Variants in MICALL1 observed in about 807,000 individuals in gnomAD.
MICALL1 encodes MICAL-like protein 1.
Under a neutral mutation model 83.7 loss-of-function variants are expected in MICALL1, and 61 were observed. That is an observed-to-expected ratio of 0.73 (90% CI 0.59 to 0.90). The LOEUF (loss-of-function observed/expected upper bound fraction) is 0.90. Among genes scored for constraint, MICALL1 ranks in the 40% least tolerant of loss-of-function variants. The pLI is 0.00. For synonymous variants in MICALL1, 481 were observed against 473.6 expected (o/e 1.02, Z -0.20); for missense variants, 1,066 against 1,152.0 (o/e 0.93, Z 1.08).
In MICALL1 at chr22:37,906,708, G is replaced by GGAC. The variant is rs1927974478; in HGVS notation, c.146+142_146+144dup. ...AGACGCCGACCCCCCCGACGGCCCC[G>GGAC]GACGCCGGGCGGGTCCCTGAGACCC... On this transcript the variant is annotated intron_variant, in intron 1 of 15. Coordinates refer to ENST00000215957, the MANE Select transcript of MICALL1 (RefSeq NM_033386.4). The surrounding 1 kb of genome is among the most constrained non-coding windows in gnomAD (Gnocchi z 4.4). The GGAC allele has an allele frequency of 2.5e-6, 2 of 808,950 alleles. No individual in the cohort carries two copies. The highest frequency in any genetic ancestry group is 3.1e-6 in the Non-Finnish European group (2 of 639,272). The allele number at this position is 808,950 out of a possible 1,614,324, so 50.1% of individuals were successfully genotyped here.
chr22:37,918,765 C>T (rs1008899442), intron 4 of MICALL1, among the ~76,000 whole-genome samples: 4 of 152,196 alleles, frequency 2.6e-5, no homozygotes, highest in East Asian at 1.9e-4. Flanking sequence ...CCTCAGAAAC[C>T]GGAAGTCAGG....
At chr22:37,927,996 C>T (rs904183281) in intron 9 of MICALL1, among the ~76,000 whole-genome samples, 170 bp downstream of exon 9, 40 of 152,270 alleles carry the variant, frequency 2.6e-4, no homozygotes, top group Non-Finnish European at 5.1e-4. Flanking sequence ...CAAGCTCTGC[C>T]TCCTGGGTTC....
intron 13 of MICALL1, among the ~76,000 whole-genome samples, chr22:37,934,730 G>A (rs1398691177): frequency 2.0e-5 from 3 of 149,764 alleles, no homozygotes; most frequent in Non-Finnish European, 4.4e-5. Flanking sequence ...CCAAGTAACT[G>A]GGACTACAGG....
In MICALL1 at chr22:37,906,671, C is replaced by T. The variant is rs1352114134; in HGVS notation, c.146+103C>T. 3 of 1,057,590 alleles carry T rather than the reference C, an allele frequency of 2.8e-6. No homozygotes were observed. Among genetic ancestry groups the T allele is most frequent in the African/African-American group, 3.4e-5 (2 of 59,058 alleles). 65.5% of individuals were successfully genotyped at this position (1,057,590 alleles called of 1,614,324 possible). Reference sequence around the variant, plus strand: ...AAGCCCGGGCGGTGACAGGCGCCGCCCCCGGACACGGAGACGCCGACCCCC... The same window carrying T: ...AAGCCCGGGCGGTGACAGGCGCCGCTCCCGGACACGGAGACGCCGACCCCC... On this transcript the variant is annotated intron_variant, in intron 1 of 15. Transcript: ENST00000215957. The surrounding 1 kb of genome is among the most constrained non-coding windows in gnomAD (Gnocchi z 4.4).
intron 1 of MICALL1, among the ~76,000 whole-genome samples, chr22:37,911,594 T>G (rs1052250341): frequency 6.6e-6 from 1 of 152,182 alleles, no homozygotes; most frequent in Non-Finnish European, 1.5e-5. Flanking sequence ...GGGTCTTAGT[T>G]ATGTCTTTGC....
At position 37,912,730 on chromosome 22, in the gene MICALL1, G is replaced by A. The variant is rs577110624; in HGVS notation, c.337+238G>A. 7.9e-4 allele frequency among the ~76,000 whole-genome samples: 119 copies of A among 151,028 alleles called. 1 individual carries two copies. Among genetic ancestry groups the A allele is most frequent in the African/African-American group, 2.7e-3 (112 of 41,064 alleles). On this transcript the variant is annotated intron_variant, in intron 3 of 15. Transcript: ENST00000215957. ...CACCCAGGCTGGATTGCGATGGCAC[G>A]ATCTCGGCTCACTGCAACCTCCGCC...
At position 37,930,053 on chromosome 22, in the gene MICALL1, C is replaced by T. The variant is rs888816052; in HGVS notation, c.1882-1746C>T. ...CAAGTGTCCTGAGTGCTCGAAAGAC[C>T]CCCTGGTTCCTTGGTGGTGGAGGGC... On this transcript the variant is annotated intron_variant, in intron 9 of 15. Transcript: ENST00000215957. The surrounding 1 kb of genome is among the most constrained non-coding windows in gnomAD (Gnocchi z 4.8). Among the ~76,000 whole-genome samples the T allele has an allele frequency of 6.6e-6, 1 of 152,208 alleles. No individual in the cohort carries two copies. Among genetic ancestry groups the T allele is most frequent in the African/African-American group, 2.4e-5 (1 of 41,458 alleles).
chr22:37,927,936 C>T, intron 9 of MICALL1, 110 bp downstream of exon 9: 1 of 1,177,046 alleles, frequency 8.5e-7, no homozygotes, highest in Non-Finnish European at 1.2e-6. Flanking sequence ...GAGATGGAGT[C>T]TCTCTCTGTC....
rs1292062785 is a variant in MICALL1 at position 37,930,730 on chromosome 22, G to T, written c.1882-1069G>T. Among the ~76,000 whole-genome samples the T allele has an allele frequency of 6.6e-6, 1 of 152,194 alleles. No individual in the cohort carries two copies. Among genetic ancestry groups the T allele is most frequent in the Non-Finnish European group, 1.5e-5 (1 of 68,020 alleles). On this transcript the variant is annotated intron_variant, in intron 9 of 15. Transcript: ENST00000215957. This position sits in a 1 kb window ranked among gnomAD's most constrained non-coding sequence, Gnocchi z 4.8. ...GGGGGTCTCCCCAGAGGCACGGAAG[G>T]ATGCAGAGCCTGGGCTCTGGGTGTG...
chr22:37,931,858 A>T lies in MICALL1; in HGVS notation c.1941A>T (p.Thr647=). Residue 647 remains threonine, a synonymous_variant, in exon 10 of 16, where the codon ACA becomes ACT. Coordinates refer to ENST00000215957, the MANE Select transcript of MICALL1 (RefSeq NM_033386.4). ...CATCACCTGCAGCGTCCCCAGCCAC[A>T]AAGAAGGCCACCAAGGGATCCAAGC... The part of the protein sequence containing the change: ...RKPSPAASPA[T]KKATKGSKPV... The T allele has an allele frequency of 6.2e-7, 1 of 1,614,146 alleles. No homozygotes were observed. The highest frequency in any genetic ancestry group is 1.3e-5 in the African/African-American group (1 of 75,030).
In MICALL1 at chr22:37,937,329, A is replaced by G. The variant is rs984567061; in HGVS notation, c.2423+135A>G. The G allele has an allele frequency of 5.8e-6, 4 of 687,356 alleles. No individual in the cohort carries two copies. The African/African-American group carries it at 7.3e-5, about 12-fold the overall frequency. 42.6% of individuals were successfully genotyped at this position (687,356 alleles called of 1,614,324 possible). A position where few individuals can be genotyped will look rare whatever the true frequency, so the allele number is the denominator to read the frequency against. ...CAGGCCAGGCCAGCCCTGCCCTCCT[A>G]CCAGCGATCCCAGTGCACCGTTGCT... On this transcript the variant is annotated intron_variant, in intron 14 of 15. Coordinates refer to ENST00000215957, the MANE Select transcript of MICALL1 (RefSeq NM_033386.4).
Position 37,937,201 on chromosome 22 carries a change from T to A in MICALL1, c.2423+7T>A, listed in dbSNP as rs1318268034. On this transcript the variant is annotated splice_region_variant and intron_variant, in intron 14 of 15. Coordinates refer to ENST00000215957, the MANE Select transcript of MICALL1 (RefSeq NM_033386.4). ...TGGATGAGGACCGGCAGAGGTGACA[T>A]GGCCAGGGGTGGGGGGTCCTGGGGG... The A allele has an allele frequency of 8.6e-7, 1 of 1,169,078 alleles. No homozygotes were observed. The highest frequency in any genetic ancestry group is 1.7e-5 in the African/African-American group (1 of 57,784). 72.4% of individuals were successfully genotyped at this position (1,169,078 alleles called of 1,614,324 possible).
intron 3 of MICALL1, among the ~76,000 whole-genome samples, chr22:37,913,945 G>C (rs766195959): frequency 6.8e-6 from 1 of 146,612 alleles, no homozygotes; most frequent in Non-Finnish European, 1.5e-5. Flanking sequence ...GCGCGATCTC[G>C]GCTTACTGCA....
At position 37,927,524 on chromosome 22, in the gene MICALL1, C is replaced by T. The variant is rs748310210; in HGVS notation, c.1579C>T (p.Leu527Phe). 1.9e-5 allele frequency: 30 copies of T among 1,613,348 alleles called. No homozygotes were observed. Among genetic ancestry groups the T allele is most frequent in the Non-Finnish European group, 2.5e-5 (29 of 1,179,430 alleles). The change falls in exon 9 of 16, where the codon CTT becomes TTT. Residue 527 changes from leucine (L) to phenylalanine (F), a missense_variant. Coordinates refer to ENST00000215957, the MANE Select transcript of MICALL1 (RefSeq NM_033386.4). Reference sequence around the variant, plus strand: ...CGCCAGCCAGACTGCAGGTGCAGAGCTTCTGGAGCCGCCAGCTGTGCCCAA... The same window carrying T: ...CGCCAGCCAGACTGCAGGTGCAGAGTTTCTGGAGCCGCCAGCTGTGCCCAA... ...ESASQTAGAE[L>F]LEPPAVPKSS... is the part of the protein sequence containing the mutation.
intron 3 of MICALL1, among the ~76,000 whole-genome samples, chr22:37,916,855 A>C (rs756829316): frequency 1.3e-4 from 20 of 152,146 alleles, no homozygotes; most frequent in Non-Finnish European, 2.1e-4. Context: ...CACCAACCAT[A>C]GTGTTATTGA....
chr22:37,940,520 C>CGT (rs1211807448), intron 15 of MICALL1, among the ~76,000 whole-genome samples, 189 bp from the exon 16 acceptor site: 115 of 152,154 alleles, frequency 7.6e-4, no homozygotes, highest in African/African-American at 2.7e-3. Context: ...AGGATGGGCC[C>CGT]CATCCTCTAG....
intron 3 of MICALL1, among the ~76,000 whole-genome samples, chr22:37,913,211 G>A (rs1375282175): frequency 1.3e-5 from 2 of 152,194 alleles, no homozygotes; most frequent in East Asian, 1.9e-4. Flanking sequence ...TGATCTGCCC[G>A]CCTCAGCCTC....
chr22:37,911,105 AGCCTGCAG>A (rs138748983), intron 1 of MICALL1, among the ~76,000 whole-genome samples: 4,007 of 152,236 alleles, frequency 0.026, 143 homozygotes, highest in African/African-American at 0.073. Flanking sequence ...GGATAAATAA[AGCCTGCAG>A]GCCAGCCAGC....
intron 1 of MICALL1, 40 bp from the exon 2 acceptor site, chr22:37,911,912 C>T (rs1445962503): frequency 4.3e-6 from 7 of 1,609,422 alleles, no homozygotes; most frequent in South Asian, 1.1e-5. Flanking sequence ...TCCCAGTCAC[C>T]TCCCCTCTTG....
Sources: gnomAD v4.1 joint callset for allele counts (sites outside exome capture counted in the v4.1 genomes callset) on GRCh38, gnomAD v4.1.1 for gene constraint, Gnocchi (gnomAD v3.1) non-coding constraint, MANE v1.5 for transcripts, NCBI Gene and HGNC (gene_info 2026-07-23, HGNC 2026-07-21) for gene names.